The following FAT4 variants were observed in gnomAD, a reference collection of about 807,000 sequenced individuals.
The protein encoded by FAT4 is protocadherin Fat 4.
In FAT4, 84 loss-of-function variants were observed where a neutral mutation model predicts 303.9. The ratio of observed to expected loss-of-function variants is 0.28; its 90% confidence interval spans 0.23 to 0.33. The LOEUF (loss-of-function observed/expected upper bound fraction) is 0.33. Among genes scored for constraint, FAT4 ranks in the 10% least tolerant of loss-of-function variants. The pLI, the probability that FAT4 is intolerant of heterozygous loss-of-function variation, is 1.00. For missense variants in FAT4, 6,005 were observed against 6,146.8 expected (o/e 0.98, Z 0.77); for synonymous variants, 2,307 against 2,298.8 (o/e 1.00, Z -0.10).
At chr4:125,343,110 T>C (rs978662034) in intron 2 of FAT4, among the ~76,000 whole-genome samples, 1 of 152,126 alleles carries the variant, frequency 6.6e-6, no homozygotes, top group Non-Finnish European at 1.5e-5. Context: ...ATATTCATAT[T>C]CATATATTTT....
intron 3 of FAT4, among the ~76,000 whole-genome samples, chr4:125,399,374 TTTC>T (rs1356493802): frequency 6.6e-6 from 1 of 152,050 alleles, no homozygotes; most frequent in Non-Finnish European, 1.5e-5. Flanking sequence ...AATTATTATG[TTTC>T]AAATGGCATG....
intron 2 of FAT4, among the ~76,000 whole-genome samples, chr4:125,379,600 C>T (rs1314316149): frequency 1.3e-5 from 2 of 151,986 alleles, no homozygotes; most frequent in Non-Finnish European, 2.9e-5. Flanking sequence ...GCTGGGATTA[C>T]AGGCTCATGC....
At chr4:125,395,506 TGCCATGTTG>T (rs1734135736) in intron 2 of FAT4, among the ~76,000 whole-genome samples, 4 of 151,994 alleles carry the variant, frequency 2.6e-5, no homozygotes, top group Admixed American at 2.6e-4. Context: ...GATGGGGTTT[TGCCATGTTG>T]GCCAGGCTGG....
chr4:125,489,851 T>TTTTTC (rs769114412), intron 17 of FAT4, 50 bp from the exon 18 acceptor site: 2 of 547,178 alleles, frequency 3.7e-6, no homozygotes, highest in East Asian at 4.2e-5. Context: ...TAAGCTCTTT[T>TTTTTC]TTTTTTTTTT....
chr4:125,440,223 A>G (rs890387150), intron 8 of FAT4, among the ~76,000 whole-genome samples: 4 of 152,094 alleles, frequency 2.6e-5, no homozygotes, highest in Non-Finnish European at 5.9e-5. Flanking sequence ...TTCTATTTTT[A>G]CTACAACATT....
At chr4:125,470,441 T>C (rs1415218465) in intron 12 of FAT4, among the ~76,000 whole-genome samples, 4 of 152,222 alleles carry the variant, frequency 2.6e-5, no homozygotes, top group African/African-American at 9.6e-5. Flanking sequence ...CATCTTCTAA[T>C]AAAAGGCTGT....
At chr4:125,458,714 T>C (rs1560622000) in intron 10 of FAT4, among the ~76,000 whole-genome samples, 1 of 151,978 alleles carries the variant, frequency 6.6e-6, no homozygotes, top group African/African-American at 2.4e-5. Flanking sequence ...ATTATGTGTG[T>C]AATCATATGT....
chr4:125,489,131 T>C (rs1388887722), intron 17 of FAT4, among the ~76,000 whole-genome samples: 4 of 152,228 alleles, frequency 2.6e-5, no homozygotes, highest in South Asian at 2.1e-4. Context: ...TATATGGTTA[T>C]TATAGAATGT....
intron 7 of FAT4, among the ~76,000 whole-genome samples, chr4:125,417,414 C>A (rs993996157): frequency 6.6e-6 from 1 of 152,008 alleles, no homozygotes; most frequent in African/African-American, 2.4e-5. Flanking sequence ...TTCCAGGGAG[C>A]CAAACTATAA....
chr4:125,322,662 TCTTG>T (rs1731000546), intron 2 of FAT4, among the ~76,000 whole-genome samples: 1 of 152,026 alleles, frequency 6.6e-6, no homozygotes, highest in Admixed American at 6.6e-5. Flanking sequence ...GTGCTTGTTT[TCTTG>T]CTTCTTTTCT....
chr4:125,435,107 A>G (rs1725407982), intron 8 of FAT4, among the ~76,000 whole-genome samples: 1 of 152,234 alleles, frequency 6.6e-6, no homozygotes, highest in African/African-American at 2.4e-5. Flanking sequence ...TAGCTCTAAT[A>G]AGAATATTTG....
chr4:125,464,285 C>T (rs1726581777), intron 11 of FAT4, among the ~76,000 whole-genome samples: 1 of 152,022 alleles, frequency 6.6e-6, no homozygotes, highest in African/African-American at 2.4e-5. Context: ...CATATTTATT[C>T]ACCCTAGTGG....
intron 15 of FAT4, 109 bp from the exon 16 acceptor site, chr4:125,481,412 C>A: frequency 1.1e-6 from 1 of 884,476 alleles, no homozygotes; most frequent in Non-Finnish European, 1.7e-6. Context: ...GACATTAATT[C>A]CCAAAACGAC....
rs1734633512 is a variant in FAT4 at position 125,406,892 on chromosome 4, C to G, written c.5320C>G (p.Leu1774Val). 2 of 1,613,680 alleles carry G rather than the reference C, an allele frequency of 1.2e-6. No individual in the cohort carries two copies. The highest frequency in any genetic ancestry group is 1.1e-5 in the South Asian group (1 of 91,064). The part of the protein sequence containing the change: ...AMDADEGANA[L>V]VTYTIISGAD... ...TCTCTTTTTTTAGGGTGCAAATGCTCTCGTCACATACACTATCATTAGTGG... is the reference window on the plus strand; with the variant it reads ...TCTCTTTTTTTAGGGTGCAAATGCTGTCGTCACATACACTATCATTAGTGG... The change falls in exon 4 of 18, where the codon CTC (leucine) becomes GTC (valine). Residue 1774 changes from leucine to valine, a missense_variant. Coordinates refer to ENST00000394329, the MANE Select transcript of FAT4 (RefSeq NM_001291303.3).
intron 2 of FAT4, among the ~76,000 whole-genome samples, chr4:125,342,754 C>G (rs754621823): frequency 1.3e-5 from 2 of 151,752 alleles, no homozygotes; most frequent in African/African-American, 2.4e-5. Flanking sequence ...GAATGAAACA[C>G]AATTTTATAT....
At chr4:125,428,989 G>T (rs1192388093) in intron 7 of FAT4, among the ~76,000 whole-genome samples, 2 of 152,078 alleles carry the variant, frequency 1.3e-5, no homozygotes, top group Non-Finnish European at 2.9e-5. Flanking sequence ...GAACAATTTT[G>T]CCCTATTACA....
Position 125,487,533 on chromosome 4 carries a change from C to T in FAT4, c.13011C>T (p.Phe4337=), listed in dbSNP as rs778396214. The change falls in exon 17 of 18, where the codon TTC becomes TTT. Residue 4337 remains phenylalanine, a synonymous_variant. Transcript: ENST00000394329. ...ATATTATCCACCCTACTCAGGACTTCGGTGGCCTTGATGTGCTTACTATAT... is the reference window on the plus strand; with the variant it reads ...ATATTATCCACCCTACTCAGGACTTTGGTGGCCTTGATGTGCTTACTATAT... ...NRDIIHPTQD[F]GGLDVLTISL... 1.7e-5 allele frequency: 28 copies of T among 1,613,758 alleles called. No individual in the cohort carries two copies. Among genetic ancestry groups the T allele is most frequent in the South Asian group, 4.4e-5 (4 of 91,038 alleles).
intron 2 of FAT4, among the ~76,000 whole-genome samples, chr4:125,368,019 G>T (rs1292980957): frequency 6.6e-6 from 1 of 152,028 alleles, no homozygotes; most frequent in African/African-American, 2.4e-5. Context: ...TCCGTTTAAG[G>T]TTTTATAAGA....
rs1727616755 is a variant in FAT4, at chr4:125,491,044, G to T, written c.14228G>T (p.Gly4743Val). 6.2e-7 allele frequency: 1 copy of T among 1,614,052 alleles called. No individual in the cohort carries two copies. Among genetic ancestry groups the T allele is most frequent in the Admixed American group, 1.7e-5 (1 of 60,012 alleles). The change falls in exon 18 of 18, where the codon GGC (glycine) becomes GTC (valine). Residue 4743 changes from glycine to valine, a missense_variant. Coordinates refer to ENST00000394329, the MANE Select transcript of FAT4 (RefSeq NM_001291303.3). ...ATGCATGGTGACACCTGCCAACCTG[G>T]CATTTTCAACTATGCCACAAGGCTG... ...LEMHGDTCQP[G>V]IFNYATRLGR...
Sources: allele counts gnomAD v4.1 joint callset (sites outside exome capture counted in the v4.1 genomes callset), GRCh38; gene constraint gnomAD v4.1.1; transcripts MANE v1.5; gene names NCBI Gene and HGNC (gene_info 2026-07-23, HGNC 2026-07-21).